The following ARHGDIB variants were observed in gnomAD, a reference collection of about 807,000 sequenced individuals.
The protein encoded by ARHGDIB is rho GDP-dissociation inhibitor 2.
Under a neutral mutation model 22.6 loss-of-function variants are expected in ARHGDIB, and 20 were observed. The observed-to-expected ratio is 0.88, with a 90% CI of 0.62 to 1.28. The LOEUF (loss-of-function observed/expected upper bound fraction) is 1.28, where lower values mean the gene tolerates loss of function less well. Ranked by LOEUF, ARHGDIB falls within the 50% of genes most tolerant of loss-of-function variation. The pLI is 0.00. For missense variants in ARHGDIB, 254 were observed against 245.4 expected (o/e 1.04, Z -0.23); for synonymous variants, 114 against 96.1 (o/e 1.19, Z -1.09).
chr12:14,944,615 A>T (rs1452049659), intron 5 of ARHGDIB, among the ~76,000 whole-genome samples, 161 bp downstream of exon 5: 1 of 152,200 alleles, frequency 6.6e-6, no homozygotes, highest in Non-Finnish European at 1.5e-5. Context: ...GGCCTTGTCA[A>T]TGTCTATATC....
intron 1 of ARHGDIB, among the ~76,000 whole-genome samples, chr12:14,959,367 C>T (rs1864365865): frequency 1.3e-5 from 2 of 152,146 alleles, no homozygotes; most frequent in South Asian, 4.1e-4. Flanking sequence ...ACCACAGGCA[C>T]GCACCACCAT....
intron 1 of ARHGDIB, chr12:14,956,181 G>A (rs1864297317): frequency 1.3e-5 from 2 of 152,164 alleles, no homozygotes; most frequent in African/African-American, 2.4e-5. Flanking sequence ...TCTACCTGGA[G>A]GTGCACAAGC....
intron 4 of ARHGDIB, among the ~76,000 whole-genome samples, chr12:14,947,536 A>G (rs1864047518): frequency 6.6e-6 from 1 of 152,242 alleles, no homozygotes; most frequent in Non-Finnish European, 1.5e-5. Flanking sequence ...ATTTCACCCT[A>G]GATTGAGGTG....
intron 1 of ARHGDIB, among the ~76,000 whole-genome samples, chr12:14,955,620 T>C (rs1484104427): frequency 6.6e-6 from 1 of 152,212 alleles, no homozygotes. Context: ...AATACAATAT[T>C]ATTAAGCATT....
rs199666543 is a variant in ARHGDIB, at chr12:14,949,782, G to A, written c.265+20C>T. The A allele has an allele frequency of 9.9e-6, 16 of 1,610,706 alleles. No homozygotes were observed. The African/African-American group carries it at 1.6e-4, about 16-fold the overall frequency. On this transcript the variant is annotated intron_variant, in intron 3 of 5. Coordinates refer to ENST00000228945, the MANE Select transcript of ARHGDIB (RefSeq NM_001175.7). ...TGATATCTTAGGCCCCCTTTGAACA[G>A]TACAGATGTGTCTACATACCAGTAA...
chr12:14,947,068 A>C (rs1047062528), intron 4 of ARHGDIB, among the ~76,000 whole-genome samples: 10 of 152,234 alleles, frequency 6.6e-5, no homozygotes, highest in Non-Finnish European at 1.5e-4. Context: ...CCCAGTGTGC[A>C]AATAGAGAGA....
intron 1 of ARHGDIB, among the ~76,000 whole-genome samples, chr12:14,953,921 CCTTCTTTCCTTCCTTCCTTCCTTCCTTT>C (rs1463024119): frequency 4.1e-5 from 6 of 147,542 alleles, no homozygotes; most frequent in Admixed American, 1.4e-4. Context: ...TCTCTCTCTC[CCTTCTTTCCTTCCTTCCTTCCTTCCTTT>C]CTTCTTTCCT....
intron 1 of ARHGDIB, among the ~76,000 whole-genome samples, chr12:14,957,892 AAG>A (rs1157453308): frequency 1.3e-5 from 2 of 152,020 alleles, no homozygotes; most frequent in East Asian, 1.9e-4. Flanking sequence ...AGAAGGGAGA[AAG>A]AGAGAGAGGG....
chr12:14,959,320 A>T (rs962458241), intron 1 of ARHGDIB, among the ~76,000 whole-genome samples: 7 of 152,182 alleles, frequency 4.6e-5, no homozygotes, highest in Admixed American at 1.3e-4. Flanking sequence ...CGGGAGGTTG[A>T]GGCGGGAGGA....
intron 5 of ARHGDIB, among the ~76,000 whole-genome samples, chr12:14,943,608 CAG>C (rs941916600): frequency 4.0e-5 from 6 of 151,666 alleles, no homozygotes; most frequent in African/African-American, 1.5e-4. Context: ...GATAAAGTAA[CAG>C]ATGGTGATGA....
At chr12:14,943,350 T>C (rs1187729325) in intron 5 of ARHGDIB, among the ~76,000 whole-genome samples, 11 of 151,614 alleles carry the variant, frequency 7.3e-5, no homozygotes, top group African/African-American at 2.7e-4. Flanking sequence ...GGGGAACCAG[T>C]GGCCTAAATC....
chr12:14,953,957 CCTT>C (rs200820140), intron 1 of ARHGDIB, among the ~76,000 whole-genome samples: 2,240 of 146,724 alleles, frequency 0.015, 48 homozygotes, highest in African/African-American at 0.052. Flanking sequence ...TTTCTTCTTT[CCTT>C]CCTTCCTTCC....
intron 1 of ARHGDIB, among the ~76,000 whole-genome samples, chr12:14,957,469 G>A (rs1181812547): frequency 6.6e-6 from 1 of 152,126 alleles, no homozygotes; most frequent in African/African-American, 2.4e-5. Flanking sequence ...TTGTCTTTGA[G>A]GAGTATTAAA....
chr12:14,955,328 C>G lies in ARHGDIB; in HGVS notation c.-12-4604G>C, dbSNP rs74438349. Among the ~76,000 whole-genome samples, 1,022 of 152,214 alleles carry G rather than the reference C, an allele frequency of 6.7e-3. 19 individuals are homozygous for G. Among genetic ancestry groups the G allele is most frequent in the East Asian group, 0.025 (131 of 5,188 alleles). On this transcript the variant is annotated intron_variant, in intron 1 of 5. Transcript: ENST00000228945. Reference sequence around the variant, plus strand: ...TTAAAATTCCTTTCCTAATATCACCCTATAGACAGTGAAAAGAGTAATGGT... The same window carrying G: ...TTAAAATTCCTTTCCTAATATCACCGTATAGACAGTGAAAAGAGTAATGGT...
At chr12:14,946,182 T>C (rs529242946) in intron 4 of ARHGDIB, among the ~76,000 whole-genome samples, 3 of 152,270 alleles carry the variant, frequency 2.0e-5, no homozygotes, top group Non-Finnish European at 4.4e-5. Flanking sequence ...TGTCTCCCAC[T>C]CCAGGGGGAA....
chr12:14,942,933 A>G (rs1372201757), intron 5 of ARHGDIB, among the ~76,000 whole-genome samples: 4 of 151,828 alleles, frequency 2.6e-5, no homozygotes, highest in East Asian at 1.9e-4. Flanking sequence ...CGGAAGCACA[A>G]TCTCGGCTCA....
chr12:14,951,990 T>C (rs1864187356), intron 1 of ARHGDIB, among the ~76,000 whole-genome samples: 1 of 152,010 alleles, frequency 6.6e-6, no homozygotes, highest in African/African-American at 2.4e-5. Context: ...GCCGGGGAGA[T>C]ATTTGGGCAA....
chr12:14,947,784 AG>A, intron 4 of ARHGDIB, 88 bp downstream of exon 4: 1 of 1,178,178 alleles, frequency 8.5e-7, no homozygotes, highest in Non-Finnish European at 1.3e-6. Context: ...ACAAACAAAA[AG>A]TACCTCAACA....
At chr12:14,952,523 T>C (rs1318602128) in intron 1 of ARHGDIB, among the ~76,000 whole-genome samples, 2 of 152,048 alleles carry the variant, frequency 1.3e-5, no homozygotes, top group Admixed American at 6.5e-5. Context: ...AGAATAAACA[T>C]AGTGACTAAT....
Sources: gnomAD v4.1 joint callset for allele counts (sites outside exome capture counted in the v4.1 genomes callset) on GRCh38, gnomAD v4.1.1 for gene constraint, MANE v1.5 for transcripts, NCBI Gene and HGNC (gene_info 2026-07-23, HGNC 2026-07-21) for gene names.